CLSPN: variants seen among roughly 807,000 people sequenced by gnomAD.
CLSPN encodes the protein claspin homolog.
In CLSPN, 85 loss-of-function variants were observed where a neutral mutation model predicts 156.3. The ratio of observed to expected loss-of-function variants is 0.54; its 90% confidence interval spans 0.46 to 0.65. CLSPN has a LOEUF of 0.65. Ranked by LOEUF, CLSPN falls within the 30% of genes least tolerant of loss-of-function variation. The probability of loss-of-function intolerance (pLI) is 0.00; values close to 1 mark genes in which losing one functional copy is unlikely to be tolerated. For missense variants in CLSPN, 1,407 were observed against 1,554.9 expected (o/e 0.90, Z 1.60); for synonymous variants, 534 against 542.4 (o/e 0.98, Z 0.22).
intron 16 of CLSPN, 70 bp downstream of exon 16, chr1:35,745,381 A>T: frequency 1.9e-6 from 2 of 1,054,240 alleles, no homozygotes; most frequent in Non-Finnish European, 1.5e-6. Context: ...CAAAGCCCTT[A>T]AGATGATCAG....
At chr1:35,755,266 A>ATTTTT (rs1247342098) in intron 8 of CLSPN, among the ~76,000 whole-genome samples, 5 of 137,608 alleles carry the variant, frequency 3.6e-5, no homozygotes, top group African/African-American at 1.3e-4. Context: ...TATCCAGCTA[A>ATTTTT]TTTTTTTTTT....
chr1:35,756,296 TG>T (rs1642269197), intron 8 of CLSPN, among the ~76,000 whole-genome samples: 1 of 152,158 alleles, frequency 6.6e-6, no homozygotes, highest in Non-Finnish European at 1.5e-5. Flanking sequence ...CAGGTTATTA[TG>T]GGTGCCACTA....
At position 35,749,703 on chromosome 1, in the gene CLSPN, G is replaced by A. The variant is rs146407616; in HGVS notation, c.2137C>T (p.Leu713Phe). The change falls in exon 11 of 25, where the codon CTC (leucine) becomes TTC (phenylalanine). Residue 713 changes from leucine to phenylalanine, a missense_variant. Leu to Phe is a conservative substitution (Grantham distance 22, BLOSUM62 0). Around this residue, in one of 3 missense-constraint regions of CLSPN, gnomAD observed 1,096 missense variants for 1,193.0 expected, o/e 0.92. Coordinates refer to ENST00000318121, the MANE Select transcript of CLSPN (RefSeq NM_022111.4). ...SSEIGKAVGF[L>F]SVPKSLSSDS... Reference sequence around the variant, plus strand: ...GATGAGAGAGACTTGGGAACAGAGAGGAAGCCAACTGCCTTGCCAATTTCA... The same window carrying A: ...GATGAGAGAGACTTGGGAACAGAGAAGAAGCCAACTGCCTTGCCAATTTCA... 6.2e-7 allele frequency: 1 copy of A among 1,614,004 alleles called. No individual in the cohort carries two copies. The highest frequency in any genetic ancestry group is 1.3e-5 in the African/African-American group (1 of 74,926).
In CLSPN at chr1:35,739,068, G is replaced by A. The variant is rs147918135; in HGVS notation, c.3430+68C>T. 1.9e-6 allele frequency: 3 copies of A among 1,584,902 alleles called. No individual in the cohort carries two copies. The African/African-American group carries it at 4.0e-5, about 21-fold the overall frequency. On this transcript the variant is annotated intron_variant, in intron 20 of 24. Coordinates refer to ENST00000318121, the MANE Select transcript of CLSPN (RefSeq NM_022111.4). ...CCTGCCTCTGCCTCCCAAAGTGTTG[G>A]GATTACAGGCGTGAGCCACCATGCT...
intron 8 of CLSPN, among the ~76,000 whole-genome samples, chr1:35,754,478 G>A (rs1051016251): frequency 1.3e-5 from 2 of 152,096 alleles, no homozygotes; most frequent in Admixed American, 6.6e-5. Flanking sequence ...CTGAGTAGCT[G>A]AGGTTACAGG....
At position 35,734,025 on chromosome 1, in the gene CLSPN, T is replaced by C. The variant is rs1179295986; in HGVS notation, c.*2471A>G. The stretch of plus-strand genomic sequence containing the variant: ...AAGAGCTATAATAGAAGGTACCATT[T>C]ATGTAAACTCAATTATCCTCTTCAC... On this transcript the variant is annotated 3_prime_UTR_variant, in exon 25 of 25. Coordinates refer to ENST00000318121, the MANE Select transcript of CLSPN (RefSeq NM_022111.4). The C allele has an allele frequency of 1.0e-6, 1 of 985,316 alleles. No homozygotes were observed. Among genetic ancestry groups the C allele is most frequent in the Non-Finnish European group, 1.2e-6 (1 of 829,934 alleles). The allele number at this position is 985,316 out of a possible 1,614,324, so 61.0% of individuals were successfully genotyped here. A position where few individuals can be genotyped will look rare whatever the true frequency, so the allele number is the denominator to read the frequency against.
In CLSPN at chr1:35,749,735, C is replaced by T. The variant is rs1372853720; in HGVS notation, c.2105G>A (p.Gly702Asp). The change falls in exon 11 of 25, where the codon GGC (glycine) becomes GAC (aspartate). Residue 702 changes from glycine to aspartate, a missense_variant. By Grantham distance (94) the Gly-to-Asp change is moderately conservative. Coordinates refer to ENST00000318121, the MANE Select transcript of CLSPN (RefSeq NM_022111.4). The stretch of plus-strand genomic sequence containing the variant: ...AACTGCCTTGCCAATTTCACTACTG[C>T]CATCATTATTTTCTTTATCCATTTC... ...EKEMDKENND[G>D]SSEIGKAVGF... 3 of 1,613,982 alleles carry T rather than the reference C, an allele frequency of 1.9e-6. No homozygotes were observed. The highest frequency in any genetic ancestry group is 2.2e-5 in the South Asian group (2 of 91,068).
At chr1:35,731,207 A>AAAAAAAGAAAGAAAG (rs1468438770), downstream of CLSPN, among the ~76,000 whole-genome samples, 1 of 151,960 alleles carries the variant, frequency 6.6e-6, no homozygotes, top group African/African-American at 2.4e-5. Flanking sequence ...CTCAAAAAAA[A>AAAAAAAGAAAGAAAG]AAAAAAGAAA....
At chr1:35,769,592 G>A (rs111879331) in intron 1 of CLSPN, among the ~76,000 whole-genome samples, 2 of 152,228 alleles carry the variant, frequency 1.3e-5, no homozygotes, top group African/African-American at 4.8e-5. Context: ...TGGGCTGCCG[G>A]CAGTGCGCGC....
At chr1:35,720,844 C>T in exon 25 of CLSPN, 2 of 1,356,708 alleles carry the variant, frequency 1.5e-6, no homozygotes, top group South Asian at 1.2e-5. Flanking sequence ...TTTGTTCTGC[C>T]CAGAATAGCC....
intron 10 of CLSPN, among the ~76,000 whole-genome samples, chr1:35,750,298 C>T (rs1032989884): frequency 1.3e-5 from 2 of 151,572 alleles, no homozygotes; most frequent in African/African-American, 4.9e-5. Flanking sequence ...GAGTTCGAGA[C>T]CAGTCTGGTC....
At position 35,734,806 on chromosome 1, in the gene CLSPN, T is replaced by C; in HGVS notation, c.*1690A>G. The stretch of plus-strand genomic sequence containing the variant: ...ATCTCCCAGTAAAAAACTGGCACAC[T>C]CTCTTCCAACTGCCCAAGTACAGGT... On this transcript the variant is annotated 3_prime_UTR_variant, in exon 25 of 25. Coordinates refer to ENST00000318121, the MANE Select transcript of CLSPN (RefSeq NM_022111.4). 14 of 984,926 alleles carry C rather than the reference T, an allele frequency of 1.4e-5. No homozygotes were observed. The highest frequency in any genetic ancestry group is 1.7e-5 in the Non-Finnish European group (14 of 829,552). The allele number at this position is 984,926 out of a possible 1,614,324, so 61.0% of individuals were successfully genotyped here. A position where few individuals can be genotyped will look rare whatever the true frequency, so the allele number is the denominator to read the frequency against.
chr1:35,725,274 C>A (rs1331451462), intron 24 of CLSPN, among the ~76,000 whole-genome samples: 1 of 152,112 alleles, frequency 6.6e-6, no homozygotes, highest in Non-Finnish European at 1.5e-5. Context: ...AGAAACAGGT[C>A]TTTTCGGAGC....
rs539411610 is a variant in CLSPN, at chr1:35,726,762, C to A, written c.3910-5782G>T. On this transcript the variant is annotated intron_variant, in intron 24 of 24. Coordinates refer to the CLSPN transcript ENST00000251195. ...AGTGTGAGAGGTGGGGGATCCCAGGCACGGAGCTTGCCGGACGAGGAGCAG... is the reference window on the plus strand; with the variant it reads ...AGTGTGAGAGGTGGGGGATCCCAGGAACGGAGCTTGCCGGACGAGGAGCAG... 2.0e-5 allele frequency among the ~76,000 whole-genome samples: 3 copies of A among 152,296 alleles called. No individual in the cohort carries two copies. The East Asian group carries it at 5.8e-4, about 29-fold the overall frequency.
In CLSPN at chr1:35,764,140, TTC is replaced by T. The variant is rs1355784983; in HGVS notation, c.582+124_582+125del. On this transcript the variant is annotated intron_variant, in intron 3 of 24. Coordinates refer to ENST00000318121, the MANE Select transcript of CLSPN (RefSeq NM_022111.4). The stretch of plus-strand genomic sequence containing the variant: ...TAAATCACATACCTATTGAGAATAA[TTC>T]TCAACACAAAATAGTCAATTCAAAG... 5.6e-5 allele frequency: 37 copies of T among 656,264 alleles called. No individual in the cohort carries two copies. The Admixed American group carries it at 1.2e-3, about 20-fold the overall frequency. The allele number at this position is 656,264 out of a possible 1,614,324, so 40.7% of individuals were successfully genotyped here.
chr1:35,725,309 A>C (rs1473302130), intron 24 of CLSPN, among the ~76,000 whole-genome samples: 1 of 152,164 alleles, frequency 6.6e-6, no homozygotes, highest in Admixed American at 6.5e-5. Flanking sequence ...AAGGTAATAT[A>C]AATTCTTTCT....
chr1:35,720,357 T>C (rs1231608375), exon 25 of CLSPN: 1 of 151,368 alleles, frequency 6.6e-6, no homozygotes, highest in Non-Finnish European at 1.5e-5. Context: ...CATTTCTACA[T>C]CAGATCCTGT....
intron 24 of CLSPN, among the ~76,000 whole-genome samples, chr1:35,722,400 G>A (rs1475151443): frequency 6.6e-6 from 1 of 151,580 alleles, no homozygotes; most frequent in African/African-American, 2.4e-5. Context: ...GACTACAGGT[G>A]CCCGCCACCT....
Position 35,732,669 on chromosome 1 carries a change from C to T in CLSPN, c.*3827G>A. On this transcript the variant is annotated 3_prime_UTR_variant, in exon 25 of 25. Coordinates refer to ENST00000318121, the MANE Select transcript of CLSPN (RefSeq NM_022111.4). Reference sequence around the variant, plus strand: ...TCTCCCACACTCATGGGCTCTCATCCCTCCAAATATGTAATTTCCAAGCTA... The same window carrying T: ...TCTCCCACACTCATGGGCTCTCATCTCTCCAAATATGTAATTTCCAAGCTA... 2.0e-6 allele frequency: 2 copies of T among 985,424 alleles called. No homozygotes were observed. Among genetic ancestry groups the T allele is most frequent in the South Asian group, 9.4e-5 (2 of 21,284 alleles). 61.0% of individuals were successfully genotyped at this position (985,424 alleles called of 1,614,324 possible). A position where few individuals can be genotyped will look rare whatever the true frequency, so the allele number is the denominator to read the frequency against.
Sources: allele counts gnomAD v4.1 joint callset (sites outside exome capture counted in the v4.1 genomes callset), GRCh38; gene constraint gnomAD v4.1.1; regional missense constraint gnomAD v4.1.1; transcripts MANE v1.5; gene names NCBI Gene and HGNC (gene_info 2026-07-23, HGNC 2026-07-21).